Variants in ANGPTL5 observed in about 807,000 individuals in gnomAD.
ANGPTL5 encodes angiopoietin-related protein 5.
ANGPTL5 carries 34 observed loss-of-function variants against 39.4 expected under a neutral mutation model. The observed-to-expected ratio is 0.86, with a 90% confidence interval of 0.66 to 1.15. The LOEUF (loss-of-function observed/expected upper bound fraction) is 1.15. Among genes scored for constraint, ANGPTL5 ranks in the 50% most tolerant of loss-of-function variants. ANGPTL5 has a pLI of 0.00. For missense variants in ANGPTL5, 467 were observed against 457.5 expected, an observed-to-expected ratio of 1.02 and a Z score of -0.19; for synonymous variants, 146 against 152.1, an observed-to-expected ratio of 0.96 and a Z score of 0.29.
intron 8 of ANGPTL5, among the ~76,000 whole-genome samples, chr11:101,893,316 T>A (rs1403386078): frequency 6.6e-6 from 1 of 152,222 alleles, no homozygotes; most frequent in Non-Finnish European, 1.5e-5. Flanking sequence ...GGAACAAGTG[T>A]GTTGCTCAAA....
rs200165022 is a variant in ANGPTL5, at chr11:101,891,437, C to G, written c.1009G>C (p.Glu337Gln). 5 of 1,614,062 alleles carry G rather than the reference C, an allele frequency of 3.1e-6. No homozygotes were observed. Among genetic ancestry groups the G allele is most frequent in the Non-Finnish European group, 3.4e-6 (4 of 1,179,994 alleles). The change falls in exon 9 of 9, where the codon GAG (glutamate) becomes CAG (glutamine). Residue 337 changes from glutamate to glutamine, a missense_variant. Physicochemically the swap from Glu to Gln is conservative, Grantham distance 29. Transcript: ENST00000334289. Reference protein sequence around the residue: ...LHNKTGWWFNECGLANLNGIH... With the variant: ...LHNKTGWWFNQCGLANLNGIH... Reference sequence around the variant, plus strand: ...CCATTTAGATTTGCTAGACCACACTCGTTAAACCACCAGCCGGTCTTGTTA... The same window carrying G: ...CCATTTAGATTTGCTAGACCACACTGGTTAAACCACCAGCCGGTCTTGTTA...
In ANGPTL5 at chr11:101,891,065, G is replaced by T. The variant is rs914799450; in HGVS notation, c.*214C>A. 7.1e-6 allele frequency: 3 copies of T among 423,918 alleles called. No individual in the cohort carries two copies. The highest frequency in any genetic ancestry group is 6.4e-4 in the Middle Eastern group (1 of 1,562). The allele number at this position is 423,918 out of a possible 1,614,324, so 26.3% of individuals were successfully genotyped here. The stretch of plus-strand genomic sequence containing the variant: ...CTTGAAACAAATTTCATTGTATATT[G>T]TTAATATAGTCAGAAGTAAAAACAT... On this transcript the variant is annotated 3_prime_UTR_variant, in exon 9 of 9. Coordinates refer to ENST00000334289, the MANE Select transcript of ANGPTL5 (RefSeq NM_178127.5).
chr11:101,892,339 T>C (rs1939716285), intron 8 of ANGPTL5, among the ~76,000 whole-genome samples: 1 of 152,174 alleles, frequency 6.6e-6, no homozygotes, highest in South Asian at 2.1e-4. Context: ...CAAGCGATTC[T>C]CCTGCCTCAG....
chr11:101,894,083 G>A (rs1003112805), intron 8 of ANGPTL5, among the ~76,000 whole-genome samples: 3 of 152,008 alleles, frequency 2.0e-5, no homozygotes, highest in Admixed American at 6.6e-5. Flanking sequence ...ATATTTTTTG[G>A]GTGCAATCAA....
At chr11:101,903,077 T>A (rs1939934823) in intron 5 of ANGPTL5, among the ~76,000 whole-genome samples, 1 of 152,178 alleles carries the variant, frequency 6.6e-6, no homozygotes, top group Non-Finnish European at 1.5e-5. Context: ...GAATGTAATG[T>A]GTAAAGGAAA....
intron 4 of ANGPTL5, among the ~76,000 whole-genome samples, chr11:101,905,177 T>C (rs1241741968): frequency 1.3e-5 from 2 of 152,212 alleles, no homozygotes; most frequent in Admixed American, 1.3e-4. Context: ...ACCATTGCTG[T>C]AGTTTCTTAC....
intron 5 of ANGPTL5, among the ~76,000 whole-genome samples, chr11:101,903,758 C>T (rs899486147): frequency 1.3e-5 from 2 of 152,126 alleles, no homozygotes; most frequent in South Asian, 2.1e-4. Flanking sequence ...GGAGTGTCTG[C>T]TATGTCATTA....
At chr11:101,894,118 T>C (rs912642897) in intron 8 of ANGPTL5, among the ~76,000 whole-genome samples, 1 of 152,238 alleles carries the variant, frequency 6.6e-6, no homozygotes, top group Non-Finnish European at 1.5e-5. Flanking sequence ...ACCCTCTTTC[T>C]GACCCCAAAA....
intron 8 of ANGPTL5, among the ~76,000 whole-genome samples, chr11:101,893,053 C>T (rs10791543): frequency 0.52 from 78,667 of 152,004 alleles, 20,830 homozygotes; most frequent in East Asian, 0.77. Context: ...AATGTGATCA[C>T]TCCATGGATA....
At chr11:101,912,401 C>T (rs1457803132) in intron 1 of ANGPTL5, among the ~76,000 whole-genome samples, 1 of 152,070 alleles carries the variant, frequency 6.6e-6, no homozygotes, top group African/African-American at 2.4e-5. Context: ...ATATCTAATC[C>T]TAAAGCCTTT....
At chr11:101,909,905 G>A (rs1008532212) in intron 1 of ANGPTL5, among the ~76,000 whole-genome samples, 9 of 152,094 alleles carry the variant, frequency 5.9e-5, no homozygotes, top group Non-Finnish European at 1.0e-4. Context: ...CCAATCATAG[G>A]CAGCCAACTA....
At position 101,891,283 on chromosome 11, in the gene ANGPTL5, T is replaced by A. The variant is rs761624924; in HGVS notation, c.1163A>T (p.Lys388Ile). 1 of 1,603,204 alleles carries A rather than the reference T, an allele frequency of 6.2e-7. No homozygotes were observed. Among genetic ancestry groups the A allele is most frequent in the South Asian group, 1.1e-5 (1 of 90,772 alleles). ...KIRRMYNPYF[K>I] Reference sequence around the variant, plus strand: ...GCATTACAATGTTAAATGAGATTATTTAAAATATGGATTGTACATTCTTCT... The same window carrying A: ...GCATTACAATGTTAAATGAGATTATATAAAATATGGATTGTACATTCTTCT... Residue 388 changes from lysine (K) to isoleucine (I), a missense_variant, in exon 9 of 9, where the codon AAA (lysine) becomes ATA (isoleucine). Coordinates refer to ENST00000334289, the MANE Select transcript of ANGPTL5 (RefSeq NM_178127.5).
chr11:101,894,723 CA>C (rs1168224880), intron 8 of ANGPTL5, among the ~76,000 whole-genome samples, 155 bp downstream of exon 8: 3 of 152,176 alleles, frequency 2.0e-5, no homozygotes, highest in Non-Finnish European at 4.4e-5. Flanking sequence ...AACAAAGTTT[CA>C]AAACTCAAGA....
At position 101,893,219 on chromosome 11, in the gene ANGPTL5, G is replaced by A. The variant is rs193072868; in HGVS notation, c.848-1621C>T. On this transcript the variant is annotated intron_variant, in intron 8 of 8. Coordinates refer to ENST00000334289, the MANE Select transcript of ANGPTL5 (RefSeq NM_178127.5). ...CCATCATGTTTTCTGTGAGAGTGTG[G>A]TTGGAGAACATAACACTTTTCTTTT... 9.2e-5 allele frequency among the ~76,000 whole-genome samples: 14 copies of A among 152,282 alleles called. No homozygotes were observed. In the East Asian group the frequency reaches 2.5e-3, roughly 27 times the overall value.
intron 7 of ANGPTL5, among the ~76,000 whole-genome samples, chr11:101,898,772 G>T (rs575353555): frequency 2.0e-5 from 3 of 152,240 alleles, no homozygotes; most frequent in African/African-American, 2.4e-5. Flanking sequence ...TATGATATTG[G>T]CTGTGGGTTT....
intron 2 of ANGPTL5, among the ~76,000 whole-genome samples, 156 bp downstream of exon 2, chr11:101,907,658 G>GT (rs1276007279): frequency 1.3e-5 from 2 of 152,028 alleles, no homozygotes; most frequent in African/African-American, 4.8e-5. Context: ...TTTAAATACA[G>GT]TAATATTAAA....
At chr11:101,903,379 T>C (rs11225056) in intron 5 of ANGPTL5, among the ~76,000 whole-genome samples, 8,791 of 152,190 alleles carry the variant, frequency 0.058, 534 homozygotes, top group East Asian at 0.31. Context: ...TATTACATTT[T>C]CTGGAAGATA....
rs1462856026 is a variant in ANGPTL5, at chr11:101,890,729, G to C, written c.*550C>G. On this transcript the variant is annotated 3_prime_UTR_variant, in exon 9 of 9. Transcript: ENST00000334289. The stretch of plus-strand genomic sequence containing the variant: ...AAACAATAACAAAATAGTTAACCAT[G>C]ATTAGATATGAAAACAAGAAAAACT... 2.0e-5 allele frequency: 3 copies of C among 152,370 alleles called. No homozygotes were observed. The highest frequency in any genetic ancestry group is 2.0e-4 in the Admixed American group (3 of 15,292). The allele number at this position is 152,370 out of a possible 1,614,324, so 9.4% of individuals were successfully genotyped here. A position where few individuals can be genotyped will look rare whatever the true frequency, so the allele number is the denominator to read the frequency against.
chr11:101,907,140 T>G lies in ANGPTL5; in HGVS notation c.204A>C (p.Lys68Asn). The G allele has an allele frequency of 6.3e-7, 1 of 1,590,718 alleles. No homozygotes were observed. Among genetic ancestry groups the G allele is most frequent in the East Asian group, 2.2e-5 (1 of 44,496 alleles). ...GTTTTTCTTCTCGTGTAATTTTAGT[T>G]TTAACATCACATGATTCCTCACAGT... is the stretch of plus-strand genomic sequence containing the variant. ...KEDCEESCDV[K>N]TKITREEKHF... Residue 68 changes from lysine to asparagine, a missense_variant, in exon 3 of 9, where the codon AAA becomes AAC. By Grantham distance (94) the Lys-to-Asn change is moderately conservative (BLOSUM62 0). Transcript: ENST00000334289.
Sources: allele counts gnomAD v4.1 joint callset (sites outside exome capture counted in the v4.1 genomes callset), GRCh38; gene constraint gnomAD v4.1.1; transcripts MANE v1.5; gene names NCBI Gene and HGNC (gene_info 2026-07-23, HGNC 2026-07-21).